Variants in GCNT2 observed in about 807,000 individuals in gnomAD.
GCNT2 encodes glucosaminyl (N-acetyl) transferase 2 (I blood group), also known as N-acetyllactosaminide beta-1,6-N-acetylglucosaminyl-transferase.
Under a neutral mutation model 34.2 loss-of-function variants are expected in GCNT2, and 34 were observed. The ratio of observed to expected loss-of-function variants is 1.00; its 90% confidence interval spans 0.76 to 1.32. The LOEUF (loss-of-function observed/expected upper bound fraction) is 1.32, where lower values mean the gene tolerates loss of function less well. Ranked by LOEUF, GCNT2 falls within the 40% of genes most tolerant of loss-of-function variation. The probability of loss-of-function intolerance (pLI) is 0.00; values close to 1 mark genes in which losing one functional copy is unlikely to be tolerated. For synonymous variants in GCNT2, 212 were observed against 188.0 expected (o/e 1.13, Z -1.04); for missense variants, 584 against 489.4 (o/e 1.19, Z -1.82).
At chr6:10,525,451 A>G (rs1761138639) in intron 1 of GCNT2, among the ~76,000 whole-genome samples, 1 of 152,072 alleles carries the variant, frequency 6.6e-6, no homozygotes. Context: ...CCTGATTACC[A>G]TCTCCTCCCA....
At chr6:10,613,004 A>G (rs1765624542) in intron 3 of GCNT2, among the ~76,000 whole-genome samples, 1 of 152,234 alleles carries the variant, frequency 6.6e-6, no homozygotes, top group Non-Finnish European at 1.5e-5. Context: ...AGCCCTTTCA[A>G]TATATTCTCA....
intron 1 of GCNT2, among the ~76,000 whole-genome samples, chr6:10,524,251 C>CT (rs77144347): frequency 0.014 from 1,815 of 131,556 alleles, 26 homozygotes; most frequent in African/African-American, 0.033. Flanking sequence ...TAATCCAGGG[C>CT]TTTTTTTTTT....
chr6:10,627,636 A>T lies in GCNT2; in HGVS notation c.*1029A>T, dbSNP rs150306520. ...CCGTTCATTCATTCAGCCTTCAATCAACATCTCTTGAGTGTCTATTATGTA... is the reference window on the plus strand; with the variant it reads ...CCGTTCATTCATTCAGCCTTCAATCTACATCTCTTGAGTGTCTATTATGTA... On this transcript the variant is annotated 3_prime_UTR_variant, in exon 5 of 5. Transcript: ENST00000495262. The T allele has an allele frequency of 6.6e-6, 1 of 152,302 alleles. No homozygotes were observed. Among genetic ancestry groups the T allele is most frequent in the Non-Finnish European group, 1.5e-5 (1 of 68,030 alleles). 9.4% of individuals were successfully genotyped at this position (152,302 alleles called of 1,614,324 possible).
At chr6:10,564,939 A>G (rs1425798235) in intron 3 of GCNT2, among the ~76,000 whole-genome samples, 1 of 152,230 alleles carries the variant, frequency 6.6e-6, no homozygotes, top group African/African-American at 2.4e-5. Flanking sequence ...CCAGATCATT[A>G]GAGTTGATGA....
At chr6:10,578,445 CTTTTTTT>C (rs1211582798) in intron 3 of GCNT2, among the ~76,000 whole-genome samples, 23 of 103,916 alleles carry the variant, frequency 2.2e-4, no homozygotes, top group South Asian at 3.1e-4. Flanking sequence ...AGCTTACATT[CTTTTTTT>C]TTTTTTTTTT....
At chr6:10,564,235 G>T (rs1477424561) in intron 3 of GCNT2, among the ~76,000 whole-genome samples, 1 of 152,116 alleles carries the variant, frequency 6.6e-6, no homozygotes, top group African/African-American at 2.4e-5. Context: ...TATGAAGACG[G>T]GACCAGAGGG....
chr6:10,550,449 CT>C (rs1294711184), intron 3 of GCNT2, among the ~76,000 whole-genome samples: 1 of 151,942 alleles, frequency 6.6e-6, no homozygotes, highest in Non-Finnish European at 1.5e-5. Flanking sequence ...AACTTTGGTC[CT>C]AGGATGAGTG....
rs985374638 is a variant in GCNT2, at chr6:10,528,814, G to A, written c.-98G>A. Reference sequence around the variant, plus strand: ...GCCAGACGAGAGCTTCAGCCATCACGAGGATGATTTCGGAACCTGGAGAAA... The same window carrying A: ...GCCAGACGAGAGCTTCAGCCATCACAAGGATGATTTCGGAACCTGGAGAAA... On this transcript the variant is annotated 5_prime_UTR_variant, in exon 3 of 5. Coordinates refer to ENST00000495262, the MANE Select transcript of GCNT2 (RefSeq NM_145649.5). 4 of 953,616 alleles carry A rather than the reference G, an allele frequency of 4.2e-6. No individual in the cohort carries two copies. Among genetic ancestry groups the A allele is most frequent in the Admixed American group, 1.7e-5 (1 of 57,884 alleles). 59.1% of individuals were successfully genotyped at this position (953,616 alleles called of 1,614,324 possible). A position where few individuals can be genotyped will look rare whatever the true frequency, so the allele number is the denominator to read the frequency against.
intron 3 of GCNT2, chr6:10,575,044 C>T: frequency 1.6e-6 from 1 of 622,358 alleles, no homozygotes; most frequent in South Asian, 1.5e-5. Flanking sequence ...GCAGACTCTT[C>T]CCATTTAGCC....
chr6:10,570,203 G>A (rs1162404070), intron 3 of GCNT2, among the ~76,000 whole-genome samples: 2 of 152,150 alleles, frequency 1.3e-5, no homozygotes, highest in African/African-American at 2.4e-5. Context: ...CCAAAGTGTC[G>A]GGATTACAGG....
At chr6:10,579,826 C>CAAAAAAAAAAAAAAAAAAAAAAAAA (rs61490868) in intron 3 of GCNT2, among the ~76,000 whole-genome samples, 1 of 89,908 alleles carries the variant, frequency 1.1e-5, no homozygotes, top group African/African-American at 4.8e-5. Flanking sequence ...AAAAAACAAA[C>CAAAAAAAAAAAAAAAAAAAAAAAAA]AAAAAAAAAA....
At chr6:10,607,655 G>C (rs1425260592) in intron 3 of GCNT2, among the ~76,000 whole-genome samples, 1 of 152,148 alleles carries the variant, frequency 6.6e-6, no homozygotes, top group Admixed American at 6.5e-5. Flanking sequence ...GCTATCATTT[G>C]AATGCAATAT....
At chr6:10,584,524 G>T (rs1764256930) in intron 3 of GCNT2, among the ~76,000 whole-genome samples, 2 of 152,028 alleles carry the variant, frequency 1.3e-5, no homozygotes, top group African/African-American at 4.8e-5. Flanking sequence ...CGGGCTGGGG[G>T]GCTGTAAGGT....
chr6:10,611,167 T>C (rs1765533256), intron 3 of GCNT2, among the ~76,000 whole-genome samples: 1 of 151,850 alleles, frequency 6.6e-6, no homozygotes, highest in Non-Finnish European at 1.5e-5. Context: ...GGAGGATTGC[T>C]TGAGTCCAGG....
At chr6:10,599,362 C>T (rs1765000717) in intron 3 of GCNT2, among the ~76,000 whole-genome samples, 1 of 152,210 alleles carries the variant, frequency 6.6e-6, no homozygotes, top group South Asian at 2.1e-4. Flanking sequence ...TCCCAAATAA[C>T]CTGAATCTTC....
chr6:10,590,249 A>C (rs1395244538), intron 3 of GCNT2, among the ~76,000 whole-genome samples: 1 of 152,076 alleles, frequency 6.6e-6, no homozygotes, highest in East Asian at 1.9e-4. Context: ...AAATTTAAAA[A>C]TTAGCTGGGC....
intron 3 of GCNT2, chr6:10,586,507 G>T: frequency 6.2e-7 from 1 of 1,614,184 alleles, no homozygotes; most frequent in Non-Finnish European, 8.5e-7. Context: ...GACCTGAACT[G>T]TCTGAAAGAC....
intron 1 of GCNT2, among the ~76,000 whole-genome samples, chr6:10,524,671 A>T (rs750916548): frequency 3.3e-5 from 5 of 152,092 alleles, no homozygotes; most frequent in Non-Finnish European, 5.9e-5. Context: ...GGACAAAATG[A>T]TACAAAAATT....
intron 3 of GCNT2, among the ~76,000 whole-genome samples, chr6:10,563,397 C>G (rs1449869965): frequency 6.6e-6 from 1 of 152,064 alleles, no homozygotes; most frequent in Non-Finnish European, 1.5e-5. Context: ...TTATAAAACC[C>G]CATAAGAAGG....
Sources: gnomAD v4.1 joint callset for allele counts (sites outside exome capture counted in the v4.1 genomes callset) on GRCh38, gnomAD v4.1.1 for gene constraint, MANE v1.5 for transcripts, NCBI Gene and HGNC (gene_info 2026-07-23, HGNC 2026-07-21) for gene names.